CDH23: variants seen among roughly 807,000 people sequenced by gnomAD.
The protein encoded by CDH23 is cadherin related 23.
In CDH23, 189 loss-of-function variants were observed where a neutral mutation model predicts 317.1. The ratio of observed to expected loss-of-function variants is 0.60; its 90% CI spans 0.53 to 0.67. The LOEUF (loss-of-function observed/expected upper bound fraction) is 0.67, where lower values mean the gene tolerates loss of function less well. Among genes scored for constraint, CDH23 ranks in the 30% least tolerant of loss-of-function variants. The pLI, the probability that CDH23 is intolerant of heterozygous loss-of-function variation, is 0.00. For missense variants in CDH23, 4,401 were observed against 4,592.4 expected (o/e 0.96, Z 1.20); for synonymous variants, 1,839 against 1,876.8 (o/e 0.98, Z 0.52).
At chr10:71,572,159 C>T (rs1377495618) in intron 8 of CDH23, among the ~76,000 whole-genome samples, 1 of 152,200 alleles carries the variant, frequency 6.6e-6, no homozygotes, top group Non-Finnish European at 1.5e-5. Context: ...GATCAATGCC[C>T]CCAATTCCCC....
chr10:71,687,716 G>A lies in CDH23; in HGVS notation c.2056G>A (p.Ala686Thr). The change falls in exon 19 of 70, where the codon GCA becomes ACA. Residue 686 changes from alanine to threonine, a missense_variant. Physicochemically the swap from Ala to Thr is moderately conservative, Grantham distance 58. Transcript: ENST00000224721. ...YFVSVVENIM[A>T]GATVLFLNAT... ...CGTCTCCGTGGTGGAGAACATCATG[G>A]CAGGTACAGGCTCAGGTCGGGGGGT... 6.2e-7 allele frequency: 1 copy of A among 1,613,646 alleles called. No homozygotes were observed. The highest frequency in any genetic ancestry group is 8.5e-7 in the Non-Finnish European group (1 of 1,179,810).
At chr10:71,715,842 A>G in intron 28 of CDH23, 7 of 1,274,028 alleles carry the variant, frequency 5.5e-6, no homozygotes, top group Non-Finnish European at 3.1e-6. Context: ...TGCTTGGGCC[A>G]CTGTCTTCCT....
rs547591962 is a variant in CDH23, at chr10:71,612,216, T to G, written c.833-3288T>G. On this transcript the variant is annotated intron_variant, in intron 9 of 69. Coordinates refer to ENST00000224721, the MANE Select transcript of CDH23 (RefSeq NM_022124.6). Reference sequence around the variant, plus strand: ...AAGGTGTACTCCATGCAAACAGATGTGTGAAAAAGAAGTGTGTGTGTGTGT... The same window carrying G: ...AAGGTGTACTCCATGCAAACAGATGGGTGAAAAAGAAGTGTGTGTGTGTGT... 2.9e-5 allele frequency among the ~76,000 whole-genome samples: 4 copies of G among 139,802 alleles called. No homozygotes were observed. In the East Asian group the frequency reaches 8.4e-4, roughly 29 times the overall value. 91.7% of individuals were successfully genotyped at this position (139,802 alleles called of 152,430 possible). A position where few individuals can be genotyped will look rare whatever the true frequency, so the allele number is the denominator to read the frequency against.
intron 29 of CDH23, among the ~76,000 whole-genome samples, chr10:71,724,710 G>A (rs778315390): frequency 6.6e-6 from 1 of 152,200 alleles, no homozygotes; most frequent in Non-Finnish European, 1.5e-5. Flanking sequence ...CCAGCAGCAC[G>A]CTCCCCAGGG....
intron 20 of CDH23, among the ~76,000 whole-genome samples, chr10:71,692,694 A>C (rs1865231267): frequency 6.6e-6 from 1 of 152,206 alleles, no homozygotes; most frequent in Non-Finnish European, 1.5e-5. Flanking sequence ...AGTGTGCCAC[A>C]GAGGGAACTG....
intron 25 of CDH23, among the ~76,000 whole-genome samples, chr10:71,705,496 T>G (rs564718973): frequency 6.6e-6 from 1 of 152,288 alleles, no homozygotes; most frequent in South Asian, 2.1e-4. Flanking sequence ...TTGTCTTCTT[T>G]GGAAGGCCAG....
chr10:71,792,840 A>T (rs1420205351), intron 47 of CDH23, among the ~76,000 whole-genome samples: 212 of 74,638 alleles, frequency 2.8e-3, no homozygotes, highest in East Asian at 9.8e-3. Context: ...AAAAAAAAAA[A>T]AAAAAAAAAA....
At chr10:71,761,706 TGC>T in intron 38 of CDH23, 5 of 1,614,008 alleles carry the variant, frequency 3.1e-6, no homozygotes, top group Non-Finnish European at 4.2e-6. Context: ...AGGGTCAGGT[TGC>T]GCATGGTGAT....
intron 11 of CDH23, among the ~76,000 whole-genome samples, chr10:71,632,756 T>G (rs1412511397): frequency 6.6e-6 from 1 of 152,180 alleles, no homozygotes; most frequent in Non-Finnish European, 1.5e-5. Flanking sequence ...GCATGCCCTC[T>G]CTTTCCCTCT....
intron 6 of CDH23, among the ~76,000 whole-genome samples, chr10:71,543,175 C>T (rs1856079100): frequency 6.6e-6 from 1 of 152,242 alleles, no homozygotes; most frequent in African/African-American, 2.4e-5. Context: ...AGCACCCGGC[C>T]CCACCCAGGA....
chr10:71,496,596 C>T (rs944056880), intron 3 of CDH23, among the ~76,000 whole-genome samples: 2 of 152,344 alleles, frequency 1.3e-5, no homozygotes, highest in East Asian at 1.9e-4. Flanking sequence ...CAGTATTGCT[C>T]GAAAGCTCCA....
chr10:71,595,115 T>C (rs1859750593), intron 9 of CDH23, among the ~76,000 whole-genome samples: 2 of 152,152 alleles, frequency 1.3e-5, no homozygotes, highest in Admixed American at 1.3e-4. Context: ...CCTACTTCGA[T>C]GAGGCATTGC....
chr10:71,705,229 C>T, intron 25 of CDH23, 99 bp downstream of exon 25: 2 of 1,146,466 alleles, frequency 1.7e-6, no homozygotes, highest in South Asian at 3.1e-5. Context: ...CCACTGCTGT[C>T]TATTGGACTT....
At chr10:71,706,327 T>C (rs1865787091) in intron 25 of CDH23, among the ~76,000 whole-genome samples, 1 of 152,122 alleles carries the variant, frequency 6.6e-6, no homozygotes, top group African/African-American at 2.4e-5. Flanking sequence ...TTGCTGAAAG[T>C]CCGTTGCATG....
intron 8 of CDH23, among the ~76,000 whole-genome samples, chr10:71,573,883 T>C (rs1465895258): frequency 7.9e-5 from 12 of 152,290 alleles, no homozygotes; most frequent in Non-Finnish European, 1.3e-4. Context: ...TCTCCACACT[T>C]GAGGAGTTCT....
chr10:71,716,122 G>A (rs778633135), intron 28 of CDH23: 21 of 1,549,306 alleles, frequency 1.4e-5, no homozygotes, highest in East Asian at 2.4e-5. Flanking sequence ...GCATGCACTC[G>A]TGAGCCCTGC....
intron 49 of CDH23, among the ~76,000 whole-genome samples, chr10:71,798,006 TTA>T (rs1223880984): frequency 6.6e-6 from 1 of 152,086 alleles, no homozygotes; most frequent in Non-Finnish European, 1.5e-5. Context: ...GCTCAGATGG[TTA>T]AGGGCCCAGG....
intron 38 of CDH23, among the ~76,000 whole-genome samples, chr10:71,771,755 C>A (rs1426916623): frequency 6.6e-6 from 1 of 152,214 alleles, no homozygotes; most frequent in East Asian, 1.9e-4. Context: ...AGGCCCCTGG[C>A]CATATAAGCA....
chr10:71,685,963 T>G (rs538414633), intron 18 of CDH23, among the ~76,000 whole-genome samples: 1 of 152,176 alleles, frequency 6.6e-6, no homozygotes, highest in South Asian at 2.1e-4. Flanking sequence ...TGGCAGCATT[T>G]CCTGCACAGG....
Sources: allele counts gnomAD v4.1 joint callset (sites outside exome capture counted in the v4.1 genomes callset), GRCh38; gene constraint gnomAD v4.1.1; transcripts MANE v1.5; gene names NCBI Gene and HGNC (gene_info 2026-07-23, HGNC 2026-07-21).